Variants in FRMD6 observed in about 807,000 individuals in gnomAD.
FRMD6 encodes FERM domain-containing protein 6.
A neutral mutation model predicts 73.2 loss-of-function variants in FRMD6; 37 were observed. The ratio of observed to expected loss-of-function variants is 0.51; its 90% CI spans 0.39 to 0.66. The LOEUF is 0.66. Among genes scored for constraint, FRMD6 ranks in the 30% least tolerant of loss-of-function variants. The pLI is 0.00. For missense variants in FRMD6, 714 were observed against 780.5 expected (o/e 0.91, Z 1.02); for synonymous variants, 273 against 282.2 (o/e 0.97, Z 0.33).
chr14:51,720,735 T>G (rs541294904), intron 11 of FRMD6, among the ~76,000 whole-genome samples: 1 of 152,256 alleles, frequency 6.6e-6, no homozygotes, highest in Admixed American at 6.5e-5. Context: ...TGGAGTGCAG[T>G]AATAGTGACA....
intron 12 of FRMD6, among the ~76,000 whole-genome samples, chr14:51,724,887 T>A (rs1252160516): frequency 6.6e-6 from 1 of 152,218 alleles, no homozygotes; most frequent in Non-Finnish European, 1.5e-5. Flanking sequence ...TTCTACTCAG[T>A]GCTTCACTCA....
chr14:51,573,313 C>A (rs189008672), intron 2 of FRMD6, among the ~76,000 whole-genome samples: 1 of 152,112 alleles, frequency 6.6e-6, no homozygotes, highest in East Asian at 1.9e-4. Context: ...GGTGACCTGG[C>A]GTTGGAATTC....
At chr14:51,708,906 G>A (rs1212861520) in intron 7 of FRMD6, among the ~76,000 whole-genome samples, 2 of 152,096 alleles carry the variant, frequency 1.3e-5, no homozygotes, top group East Asian at 3.9e-4. Context: ...CTCACTCTCG[G>A]AAGTTACTCT....
At chr14:51,421,304 T>A in the FRMD6 span, among the ~76,000 whole-genome samples, 1 of 152,174 alleles carries the variant, frequency 6.6e-6, no homozygotes, top group African/African-American at 2.4e-5. Context: ...AAAAGCTGAC[T>A]GCCACTGGAT....
At chr14:51,721,500 C>T (rs1431444781) in intron 11 of FRMD6, among the ~76,000 whole-genome samples, 1 of 152,112 alleles carries the variant, frequency 6.6e-6, no homozygotes, top group Non-Finnish European at 1.5e-5. Context: ...GTCCCAGCTA[C>T]TCGGGAGGCT....
At chr14:51,462,017 G>C in the FRMD6 span, among the ~76,000 whole-genome samples, 1 of 152,080 alleles carries the variant, frequency 6.6e-6, no homozygotes, top group Non-Finnish European at 1.5e-5. Context: ...CTTAGGAAGG[G>C]AGAAAGGGAG....
chr14:51,508,746 G>A (rs4243576), intron 1 of FRMD6, among the ~76,000 whole-genome samples: 54,507 of 152,016 alleles, frequency 0.36, 9,925 homozygotes, highest in South Asian at 0.42. Context: ...GTCTTAAAAA[G>A]CAAACTATAA....
intron 2 of FRMD6, chr14:51,578,992 AG>A (rs1888559437): frequency 6.6e-6 from 1 of 152,226 alleles, no homozygotes; most frequent in Non-Finnish European, 1.5e-5. Flanking sequence ...ACCCAACCAC[AG>A]CAAACATACA....
At chr14:51,666,139 C>T (rs1488628927) in intron 1 of FRMD6, among the ~76,000 whole-genome samples, 1 of 152,188 alleles carries the variant, frequency 6.6e-6, no homozygotes. Context: ...ATAGTGCTTT[C>T]TTAATTTACT....
At chr14:51,572,201 C>T (rs1888170014) in intron 2 of FRMD6, among the ~76,000 whole-genome samples, 1 of 152,206 alleles carries the variant, frequency 6.6e-6, no homozygotes, top group East Asian at 1.9e-4. Context: ...CTCTAATGTT[C>T]ACCAGCCCTT....
intron 1 of FRMD6, among the ~76,000 whole-genome samples, chr14:51,662,289 A>G (rs1893268894): frequency 1.3e-5 from 2 of 152,190 alleles, no homozygotes; most frequent in African/African-American, 4.8e-5. Flanking sequence ...TTACAGAACT[A>G]GAAAAAAACT....
chr14:51,466,914 A>G, the FRMD6 span, among the ~76,000 whole-genome samples: 1 of 151,946 alleles, frequency 6.6e-6, no homozygotes. Flanking sequence ...TTTGTCAGCC[A>G]TGATTTGCAG....
the FRMD6 span, among the ~76,000 whole-genome samples, chr14:51,466,376 A>G: frequency 2.6e-5 from 4 of 152,200 alleles, no homozygotes; most frequent in Non-Finnish European, 5.9e-5. Context: ...TGAAAGTTTA[A>G]TAGTTGAGGT....
the FRMD6 span, among the ~76,000 whole-genome samples, chr14:51,400,838 T>C: frequency 6.6e-6 from 1 of 152,208 alleles, no homozygotes; most frequent in Non-Finnish European, 1.5e-5. Context: ...CAGAGGGCTA[T>C]TTAGGTTTTA....
chr14:51,414,431 G>T, the FRMD6 span, among the ~76,000 whole-genome samples: 3 of 151,444 alleles, frequency 2.0e-5, no homozygotes, highest in South Asian at 2.1e-4. Flanking sequence ...CATTTCTTGT[G>T]TTTGTCAGGT....
At chr14:51,601,399 C>A (rs1347391140) in intron 2 of FRMD6, among the ~76,000 whole-genome samples, 1 of 152,112 alleles carries the variant, frequency 6.6e-6, no homozygotes, top group African/African-American at 2.4e-5. Flanking sequence ...TCTTTCTTTG[C>A]CTACCTGGTG....
At chr14:51,465,008 A>G in the FRMD6 span, among the ~76,000 whole-genome samples, 2 of 152,190 alleles carry the variant, frequency 1.3e-5, no homozygotes, top group African/African-American at 4.8e-5. Context: ...TGCCACATAT[A>G]CAGGCTTCCA....
At chr14:51,558,549 T>G (rs1887287493) in intron 1 of FRMD6, among the ~76,000 whole-genome samples, 1 of 151,886 alleles carries the variant, frequency 6.6e-6, no homozygotes, top group African/African-American at 2.4e-5. Context: ...AAGCCAACTC[T>G]CTTAGGAGCT....
the FRMD6 span, among the ~76,000 whole-genome samples, chr14:51,409,809 G>C: frequency 6.6e-6 from 1 of 152,072 alleles, no homozygotes; most frequent in Non-Finnish European, 1.5e-5. Context: ...ATGTTGCCCA[G>C]GACTCCTTGG....
Sources: allele counts gnomAD v4.1 joint callset (sites outside exome capture counted in the v4.1 genomes callset), GRCh38; gene constraint gnomAD v4.1.1; transcripts MANE v1.5; gene names NCBI Gene and HGNC (gene_info 2026-07-23, HGNC 2026-07-21).